RANBP2: variants seen among roughly 807,000 people sequenced by gnomAD.
The protein encoded by RANBP2 is RAN binding protein 2.
A neutral mutation model predicts 303.6 loss-of-function variants in RANBP2; 57 were observed. The ratio of observed to expected loss-of-function variants is 0.19; its 90% CI spans 0.15 to 0.23. RANBP2 has a LOEUF of 0.23. Among genes scored for constraint, RANBP2 ranks in the 10% least tolerant of loss-of-function variants. RANBP2 has a pLI of 1.00. For missense variants in RANBP2, 3,138 were observed against 3,780.8 expected (o/e 0.83, Z 4.46); for synonymous variants, 1,167 against 1,301.5 (o/e 0.90, Z 2.23).
the RANBP2 span, among the ~76,000 whole-genome samples, chr2:109,264,470 A>G: frequency 1.3e-5 from 2 of 152,186 alleles, no homozygotes; most frequent in African/African-American, 4.8e-5. Flanking sequence ...ACCTCCCTAT[A>G]TGTCCTGCTG....
At chr2:109,611,739 C>T in the RANBP2 span, among the ~76,000 whole-genome samples, 1 of 152,104 alleles carries the variant, frequency 6.6e-6, no homozygotes, top group Non-Finnish European at 1.5e-5. Context: ...TGCACTCTAG[C>T]CTGGGTGACA....
chr2:109,443,189 T>C, the RANBP2 span, among the ~76,000 whole-genome samples: 1 of 152,264 alleles, frequency 6.6e-6, no homozygotes, highest in Non-Finnish European at 1.5e-5. Context: ...TTCTAGTAGA[T>C]TCTATTTTAT....
At chr2:108,791,591 T>G in the RANBP2 span, 1 of 1,447,508 alleles carries the variant, frequency 6.9e-7, no homozygotes. Context: ...TCAGTTATGC[T>G]GTTAATATTT....
At chr2:109,145,313 C>T in the RANBP2 span, among the ~76,000 whole-genome samples, 1 of 152,186 alleles carries the variant, frequency 6.6e-6, no homozygotes, top group Non-Finnish European at 1.5e-5. Context: ...CACTCAGCCC[C>T]CTTTAGTCCG....
At chr2:109,143,001 T>C in the RANBP2 span, among the ~76,000 whole-genome samples, 1 of 152,064 alleles carries the variant, frequency 6.6e-6, no homozygotes, top group African/African-American at 2.4e-5. Flanking sequence ...TGGAGTGTGA[T>C]TTGGCACTAG....
At chr2:109,077,515 GA>G in the RANBP2 span, among the ~76,000 whole-genome samples, 1 of 143,354 alleles carries the variant, frequency 7.0e-6, no homozygotes, top group African/African-American at 2.5e-5. Flanking sequence ...TCAATGAAAT[GA>G]AAAAGCAACC....
the RANBP2 span, among the ~76,000 whole-genome samples, chr2:108,970,228 T>C: frequency 1.3e-5 from 2 of 152,182 alleles, no homozygotes; most frequent in Non-Finnish European, 2.9e-5. Flanking sequence ...AGAATCTACA[T>C]TTTTAGCAGA....
the RANBP2 span, among the ~76,000 whole-genome samples, chr2:108,937,028 G>A: frequency 2.6e-5 from 4 of 152,220 alleles, no homozygotes; most frequent in Non-Finnish European, 5.9e-5. Flanking sequence ...GTGCTGTGCC[G>A]GGGAACAGAC....
At chr2:108,776,698 T>G (rs982377742) in intron 24 of RANBP2, among the ~76,000 whole-genome samples, 4 of 152,184 alleles carry the variant, frequency 2.6e-5, no homozygotes, top group African/African-American at 9.6e-5. Context: ...AAAGTCCTTA[T>G]GACGAAGTGT....
intron 9 of RANBP2, among the ~76,000 whole-genome samples, chr2:108,750,559 T>TTTCTTTTCTA (rs1453832246): frequency 3.2e-5 from 3 of 92,540 alleles, no homozygotes; most frequent in Non-Finnish European, 5.8e-5. Context: ...CACATAACCT[T>TTTCTTTTCTA]TTCTTTTCTT....
At chr2:109,124,989 T>C in the RANBP2 span, among the ~76,000 whole-genome samples, 2 of 152,204 alleles carry the variant, frequency 1.3e-5, no homozygotes, top group African/African-American at 4.8e-5. Context: ...GGACTCTGGT[T>C]GATTTAACGA....
chr2:109,520,329 G>T, the RANBP2 span, among the ~76,000 whole-genome samples: 3 of 152,084 alleles, frequency 2.0e-5, no homozygotes, highest in Admixed American at 2.0e-4. Flanking sequence ...TTGGCCAGGC[G>T]CGGTGGCTCA....
At chr2:109,703,685 T>C in the RANBP2 span, among the ~76,000 whole-genome samples, 4 of 152,338 alleles carry the variant, frequency 2.6e-5, no homozygotes, top group African/African-American at 9.6e-5. Context: ...CGCCTCGGCC[T>C]CCAAAAGTAC....
At chr2:109,580,907 G>C in the RANBP2 span, among the ~76,000 whole-genome samples, 1 of 152,164 alleles carries the variant, frequency 6.6e-6, no homozygotes. Flanking sequence ...AGGAAACCCA[G>C]ACAGGAGTTC....
At chr2:109,142,707 G>A in the RANBP2 span, among the ~76,000 whole-genome samples, 3 of 152,134 alleles carry the variant, frequency 2.0e-5, no homozygotes, top group African/African-American at 4.8e-5. Context: ...ATGGGCTGTC[G>A]GGCCTGGGTT....
At chr2:108,992,929 T>G in the RANBP2 span, among the ~76,000 whole-genome samples, 552 of 152,290 alleles carry the variant, frequency 3.6e-3, no homozygotes, top group Non-Finnish European at 5.9e-3. Context: ...TCTGCCCTCC[T>G]CAGCACTGGC....
the RANBP2 span, among the ~76,000 whole-genome samples, chr2:108,974,368 T>C: frequency 6.7e-6 from 1 of 149,012 alleles, no homozygotes. Flanking sequence ...ATGCCACATA[T>C]TGACTGTGTA....
chr2:108,949,405 C>T, the RANBP2 span, among the ~76,000 whole-genome samples: 54 of 152,304 alleles, frequency 3.5e-4, no homozygotes, highest in Non-Finnish European at 7.2e-4. Context: ...TGGGAAGATA[C>T]GGCTTGGGCA....
chr2:109,419,707 C>T, the RANBP2 span: 2 of 1,465,860 alleles, frequency 1.4e-6, no homozygotes, highest in Non-Finnish European at 1.8e-6. Context: ...CTGGGCTGAC[C>T]TGTCCACGTG....
Sources: gnomAD v4.1 joint callset for allele counts (sites outside exome capture counted in the v4.1 genomes callset) on GRCh38, gnomAD v4.1.1 for gene constraint, MANE v1.5 for transcripts, NCBI Gene and HGNC (gene_info 2026-07-23, HGNC 2026-07-21) for gene names.